The following IQCH variants were observed in gnomAD, a reference collection of about 807,000 sequenced individuals.
The protein encoded by IQCH is IQ domain-containing protein H.
IQCH carries 98 observed loss-of-function variants against 117.0 expected under a neutral mutation model. That is an observed-to-expected ratio of 0.84 (90% CI 0.71 to 0.99). The LOEUF (loss-of-function observed/expected upper bound fraction) is 0.99, where lower values mean the gene tolerates loss of function less well. Among genes scored for constraint, IQCH ranks in the 50% least tolerant of loss-of-function variants. IQCH has a pLI of 0.00. For missense variants in IQCH, 1,102 were observed against 1,243.8 expected (o/e 0.89, Z 1.72); for synonymous variants, 412 against 448.2 (o/e 0.92, Z 1.02).
At chr15:67,362,279 A>G (rs1207652809) in intron 8 of IQCH, among the ~76,000 whole-genome samples, 1 of 152,116 alleles carries the variant, frequency 6.6e-6, no homozygotes, top group Non-Finnish European at 1.5e-5. Context: ...AAACTTTTCC[A>G]AAACATCTCC....
rs1410050264 is a variant in IQCH, at chr15:67,439,595, C to G, written c.2505+18018C>G. ...ATTTGAAACAAACAAACAAAAAATA[C>G]AAACAATAGGCCAGGCGCAGTGGCT... On this transcript the variant is annotated intron_variant, in intron 16 of 20. Coordinates refer to ENST00000335894, the MANE Select transcript of IQCH (RefSeq NM_001031715.3). Among the ~76,000 whole-genome samples, 3 of 151,922 alleles carry G rather than the reference C, an allele frequency of 2.0e-5. No individual in the cohort carries two copies. The East Asian group carries it at 5.8e-4, about 29-fold the overall frequency.
At position 67,290,608 on chromosome 15, in the gene IQCH, A is replaced by G. The variant is rs906094858; in HGVS notation, c.387+11096A>G. On this transcript the variant is annotated intron_variant, in intron 4 of 20. Transcript: ENST00000335894. The stretch of plus-strand genomic sequence containing the variant: ...GATTTCAGAAATGTTAAAACTTGAA[A>G]ACATTTTTTTGAATAGAAGAAATAC... 3.9e-5 allele frequency among the ~76,000 whole-genome samples: 6 copies of G among 152,126 alleles called. No homozygotes were observed. The East Asian group carries it at 1.2e-3, about 29-fold the overall frequency.
chr15:67,372,751 T>G, intron 9 of IQCH, 89 bp downstream of exon 9: 5 of 1,145,474 alleles, frequency 4.4e-6, no homozygotes, highest in Non-Finnish European at 6.2e-6. Flanking sequence ...CTATCTTCCC[T>G]TTCTCTTTCC....
chr15:67,431,431 T>C lies in IQCH; in HGVS notation c.2505+9854T>C, dbSNP rs562711138. ...TTCCCACTTATAAGTGGGAGCTAAATGATGAGAATACAGGGACACATAGAG... is the reference window on the plus strand; with the variant it reads ...TTCCCACTTATAAGTGGGAGCTAAACGATGAGAATACAGGGACACATAGAG... On this transcript the variant is annotated intron_variant, in intron 16 of 20. Coordinates refer to ENST00000335894, the MANE Select transcript of IQCH (RefSeq NM_001031715.3). The surrounding 1 kb of genome is among the most constrained non-coding windows in gnomAD (Gnocchi z 4.8). Among the ~76,000 whole-genome samples the C allele has an allele frequency of 6.6e-6, 1 of 151,902 alleles. No homozygotes were observed. Among genetic ancestry groups the C allele is most frequent in the Non-Finnish European group, 1.5e-5 (1 of 67,980 alleles).
chr15:67,259,279 T>G (rs1434255862), intron 1 of IQCH, among the ~76,000 whole-genome samples: 1 of 152,194 alleles, frequency 6.6e-6, no homozygotes, highest in East Asian at 1.9e-4. Flanking sequence ...CAAGTTCAGT[T>G]TAGTAAAGAA....
At chr15:67,337,195 A>G in intron 5 of IQCH, 100 bp downstream of exon 5, 2 of 1,366,318 alleles carry the variant, frequency 1.5e-6, no homozygotes, top group Non-Finnish European at 2.0e-6. Flanking sequence ...TCAGCCACTA[A>G]TTCTCCTGGG....
Position 67,432,214 on chromosome 15 carries a change from C to G in IQCH, c.2505+10637C>G, listed in dbSNP as rs939556606. On this transcript the variant is annotated intron_variant, in intron 16 of 20. Transcript: ENST00000335894. The surrounding 1 kb of genome is among the most constrained non-coding windows in gnomAD (Gnocchi z 5.0). ...CTATTGGAGAGTAGTAATGGCCCTT[C>G]CAAAACATAAAGTTAGCTACAGAAA... 1.3e-5 allele frequency among the ~76,000 whole-genome samples: 2 copies of G among 151,936 alleles called. No individual in the cohort carries two copies. Among genetic ancestry groups the G allele is most frequent in the Non-Finnish European group, 2.9e-5 (2 of 68,002 alleles).
intron 4 of IQCH, among the ~76,000 whole-genome samples, chr15:67,332,812 A>T (rs1596199352): frequency 6.6e-6 from 1 of 152,216 alleles, no homozygotes; most frequent in Non-Finnish European, 1.5e-5. Flanking sequence ...TTCAGAGTCA[A>T]CTTTAACTCT....
At position 67,356,682 on chromosome 15, in the gene IQCH, G is replaced by A. The variant is rs1417056810; in HGVS notation, c.638-663G>A. Among the ~76,000 whole-genome samples, 3 of 152,144 alleles carry A rather than the reference G, an allele frequency of 2.0e-5. No individual in the cohort carries two copies. The highest frequency in any genetic ancestry group is 2.0e-4 in the Admixed American group (3 of 15,274). On this transcript the variant is annotated intron_variant, in intron 6 of 20. Transcript: ENST00000335894. This position sits in a 1 kb window ranked among gnomAD's most constrained non-coding sequence, Gnocchi z 5.3. ...TCTTTCTTGGGCTGAGTAGTATAAG[G>A]ATTTTTCTCCCCTGAGAATGTCAGA... is the stretch of plus-strand genomic sequence containing the variant.
At chr15:67,307,736 A>T (rs1967372950) in intron 4 of IQCH, among the ~76,000 whole-genome samples, 1 of 152,152 alleles carries the variant, frequency 6.6e-6, no homozygotes, top group Non-Finnish European at 1.5e-5. Flanking sequence ...TGTCACTAAA[A>T]ATAAAAAAAG....
intron 16 of IQCH, among the ~76,000 whole-genome samples, chr15:67,423,797 T>C (rs2081813406): frequency 6.9e-6 from 1 of 145,670 alleles, no homozygotes; most frequent in Admixed American, 7.0e-5. Flanking sequence ...GAGGTTGCAG[T>C]GAACCGAGAT....
intron 4 of IQCH, among the ~76,000 whole-genome samples, chr15:67,315,298 C>T (rs1294539204): frequency 6.6e-6 from 1 of 152,182 alleles, no homozygotes; most frequent in Non-Finnish European, 1.5e-5. Flanking sequence ...GTTGGACAGT[C>T]TTCTTGGTGA....
At chr15:67,363,235 A>ATT (rs368949063) in intron 8 of IQCH, among the ~76,000 whole-genome samples, 58,297 of 133,352 alleles carry the variant, frequency 0.44, 13,323 homozygotes, top group Non-Finnish European at 0.52. Context: ...ACAAATCTTG[A>ATT]TTTTTTTTTT....
chr15:67,477,864 C>G (rs781131687), intron 18 of IQCH, among the ~76,000 whole-genome samples: 4 of 152,178 alleles, frequency 2.6e-5, no homozygotes, highest in African/African-American at 4.8e-5. Flanking sequence ...AGATTTATTT[C>G]TTGGGCTTAA....
Position 67,403,735 on chromosome 15 carries a change from G to C in IQCH, c.2097+3430G>C, listed in dbSNP as rs1971765989. ...GGGTAAGCTCACCTAAGACAGTTTA[G>C]GGAGACCCAGGCAGACATTTACTGT... On this transcript the variant is annotated intron_variant, in intron 14 of 20. Coordinates refer to ENST00000335894, the MANE Select transcript of IQCH (RefSeq NM_001031715.3). This position sits in a 1 kb window ranked among gnomAD's most constrained non-coding sequence, Gnocchi z 4.8. 1 of 152,204 alleles carries C rather than the reference G, an allele frequency of 6.6e-6. No homozygotes were observed. The highest frequency in any genetic ancestry group is 2.4e-5 in the African/African-American group (1 of 41,442). The allele number at this position is 152,204 out of a possible 1,614,324, so 9.4% of individuals were successfully genotyped here. A position where few individuals can be genotyped will look rare whatever the true frequency, so the allele number is the denominator to read the frequency against.
chr15:67,334,057 GA>G (rs951060062), intron 4 of IQCH, among the ~76,000 whole-genome samples: 1 of 151,268 alleles, frequency 6.6e-6, no homozygotes, highest in Middle Eastern at 3.4e-3. Flanking sequence ...GGCCCTGTCT[GA>G]AAAAAAAATT....
At chr15:67,273,947 C>T (rs924165961) in intron 3 of IQCH, among the ~76,000 whole-genome samples, 13 of 152,322 alleles carry the variant, frequency 8.5e-5, no homozygotes, top group Admixed American at 2.6e-4. Context: ...CAGTATTCTT[C>T]GAAGGCAGCT....
Position 67,366,838 on chromosome 15 carries a change from G to A in IQCH, c.754-5273G>A, listed in dbSNP as rs1011445045. ...TTACCATTAGGTGGTGTGGGCAGTC[G>A]TTCATCTATTTTGATTTCAGAGTTA... On this transcript the variant is annotated intron_variant, in intron 8 of 20. Coordinates refer to ENST00000335894, the MANE Select transcript of IQCH (RefSeq NM_001031715.3). The surrounding 1 kb of genome is among the most constrained non-coding windows in gnomAD (Gnocchi z 4.4). Among the ~76,000 whole-genome samples, 1 of 152,068 alleles carries A rather than the reference G, an allele frequency of 6.6e-6. No homozygotes were observed. Among genetic ancestry groups the A allele is most frequent in the Non-Finnish European group, 1.5e-5 (1 of 68,032 alleles).
rs776088554 is a variant in IQCH, at chr15:67,459,517, T to C, written c.2506-5610T>C. ...CAGGGGTGAGCAGGCAGCCTCCATC[T>C]GCTGAGAACACCTCAGGCAAAAAGG... is the stretch of plus-strand genomic sequence containing the variant. On this transcript the variant is annotated intron_variant, in intron 16 of 20. Transcript: ENST00000335894. This position sits in a 1 kb window ranked among gnomAD's most constrained non-coding sequence, Gnocchi z 4.2. Among the ~76,000 whole-genome samples the C allele has an allele frequency of 9.9e-5, 15 of 152,216 alleles. No individual in the cohort carries two copies. Among genetic ancestry groups the C allele is most frequent in the Non-Finnish European group, 1.9e-4 (13 of 68,034 alleles).
Sources: gnomAD v4.1 joint callset for allele counts (sites outside exome capture counted in the v4.1 genomes callset) on GRCh38, gnomAD v4.1.1 for gene constraint, Gnocchi (gnomAD v3.1) non-coding constraint, MANE v1.5 for transcripts, NCBI Gene and HGNC (gene_info 2026-07-23, HGNC 2026-07-21) for gene names.